Variants in LEKR1 observed in about 807,000 individuals in gnomAD.
LEKR1 encodes the protein leucine, glutamate and lysine rich 1, also known as protein LEKR1.
A neutral mutation model predicts 72.4 loss-of-function variants in LEKR1; 59 were observed. The ratio of observed to expected loss-of-function variants is 0.82; its 90% CI spans 0.66 to 1.01. LEKR1 has a LOEUF of 1.01. Ranked by LOEUF, LEKR1 falls within the 50% of genes least tolerant of loss-of-function variation. The probability of loss-of-function intolerance (pLI) is 0.00; values close to 1 mark genes in which losing one functional copy is unlikely to be tolerated. For missense variants in LEKR1, 728 were observed against 759.2 expected (o/e 0.96, Z 0.48); for synonymous variants, 257 against 263.2 (o/e 0.98, Z 0.23).
At chr3:156,872,504 G>A (rs1319502166) in intron 3 of LEKR1, among the ~76,000 whole-genome samples, 1 of 151,624 alleles carries the variant, frequency 6.6e-6, no homozygotes, top group African/African-American at 2.4e-5. Flanking sequence ...GTTTGCTCTT[G>A]CTTTTCTAGT....
At chr3:156,916,991 C>A (rs1440995953) in intron 3 of LEKR1, among the ~76,000 whole-genome samples, 1 of 151,830 alleles carries the variant, frequency 6.6e-6, no homozygotes, top group Non-Finnish European at 1.5e-5. Context: ...GAAAGAGTCT[C>A]AAAGAGAAAC....
At position 156,829,724 on chromosome 3, in the gene LEKR1, C is replaced by T. The variant is rs568560880; in HGVS notation, c.48+347C>T. On this transcript the variant is annotated intron_variant, in intron 2 of 12. Transcript: ENST00000356539. ...GTTTGACCAACATTAATTCTCAGTA[C>T]TTACTGTGTGCCAAGCACTGTTTTA... is the stretch of plus-strand genomic sequence containing the variant. Among the ~76,000 whole-genome samples, 239 of 152,290 alleles carry T rather than the reference C, an allele frequency of 1.6e-3. 3 individuals carry two copies. The highest frequency in any genetic ancestry group is 5.6e-4 in the Non-Finnish European group (38 of 68,022).
intron 6 of LEKR1, among the ~76,000 whole-genome samples, chr3:156,970,696 A>G (rs1306371299): frequency 6.6e-6 from 1 of 152,154 alleles, no homozygotes; most frequent in Non-Finnish European, 1.5e-5. Context: ...TTATACACCA[A>G]TAACAGACAG....
intron 2 of LEKR1, among the ~76,000 whole-genome samples, chr3:156,834,954 A>G (rs1330306747): frequency 6.6e-6 from 1 of 152,248 alleles, no homozygotes; most frequent in Non-Finnish European, 1.5e-5. Flanking sequence ...ATTTTATTTT[A>G]GGGCTCATTC....
intron 9 of LEKR1, among the ~76,000 whole-genome samples, chr3:156,999,336 C>T (rs563983587): frequency 7.2e-5 from 11 of 152,184 alleles, no homozygotes; most frequent in Admixed American, 6.5e-4. Context: ...TATGGCAGGA[C>T]CTCATGATTA....
chr3:156,892,649 T>G (rs1036090176), intron 3 of LEKR1, among the ~76,000 whole-genome samples: 2 of 152,240 alleles, frequency 1.3e-5, no homozygotes, highest in Non-Finnish European at 2.9e-5. Flanking sequence ...CTCCTCTGCC[T>G]CACACTGACC....
chr3:156,998,715 A>C (rs1731775509), intron 9 of LEKR1, among the ~76,000 whole-genome samples: 1 of 152,162 alleles, frequency 6.6e-6, no homozygotes, highest in South Asian at 2.1e-4. Flanking sequence ...AATGCAGTTT[A>C]CTAAATTGTC....
chr3:157,041,042 A>G (rs1735304853), intron 12 of LEKR1, among the ~76,000 whole-genome samples: 1 of 152,216 alleles, frequency 6.6e-6, no homozygotes, highest in African/African-American at 2.4e-5. Context: ...CCACTTTTTA[A>G]TATTAGAAAT....
chr3:156,918,566 T>C (rs1560079055), intron 3 of LEKR1, among the ~76,000 whole-genome samples: 1 of 152,118 alleles, frequency 6.6e-6, no homozygotes, highest in African/African-American at 2.4e-5. Flanking sequence ...CTATATGATA[T>C]TAGCACTGAA....
intron 2 of LEKR1, among the ~76,000 whole-genome samples, chr3:156,833,357 C>T (rs1038305273): frequency 6.6e-6 from 1 of 152,098 alleles, no homozygotes; most frequent in African/African-American, 2.4e-5. Flanking sequence ...TATAAAATCA[C>T]CTTTTGAAAA....
At chr3:156,827,129 A>C (rs986565065) in intron 1 of LEKR1, 1 of 152,292 alleles carries the variant, frequency 6.6e-6, no homozygotes, top group Non-Finnish European at 1.5e-5. Context: ...AATTTAAAAA[A>C]TTACAGATTT....
chr3:156,967,410 C>A (rs1207947242), intron 6 of LEKR1, among the ~76,000 whole-genome samples: 2 of 151,988 alleles, frequency 1.3e-5, no homozygotes, highest in African/African-American at 4.8e-5. Context: ...CTAGAATAAC[C>A]AGTGCAGAGA....
intron 3 of LEKR1, among the ~76,000 whole-genome samples, chr3:156,900,103 T>A (rs1242710450): frequency 6.6e-6 from 1 of 152,036 alleles, no homozygotes; most frequent in Admixed American, 6.6e-5. Flanking sequence ...TAAAACAGAC[T>A]GGTGGGGGGA....
chr3:156,828,762 CT>C (rs2108526643), intron 1 of LEKR1, among the ~76,000 whole-genome samples: 1 of 151,648 alleles, frequency 6.6e-6, no homozygotes, highest in South Asian at 2.1e-4. Flanking sequence ...CACTTGGCTT[CT>C]TATTTTTTGA....
At chr3:156,996,962 G>A (rs1731627629) in intron 9 of LEKR1, among the ~76,000 whole-genome samples, 1 of 152,000 alleles carries the variant, frequency 6.6e-6, no homozygotes, top group Non-Finnish European at 1.5e-5. Context: ...CTACTTGGGA[G>A]GCTGAGGCAG....
intron 7 of LEKR1, among the ~76,000 whole-genome samples, chr3:156,986,543 A>G (rs1173553735): frequency 6.6e-6 from 1 of 152,222 alleles, no homozygotes; most frequent in Non-Finnish European, 1.5e-5. Context: ...CTGGAAGTGA[A>G]ACGAAAGAAT....
intron 3 of LEKR1, among the ~76,000 whole-genome samples, chr3:156,917,074 G>A (rs1005378799): frequency 1.3e-5 from 2 of 152,090 alleles, no homozygotes. Flanking sequence ...AATACAAATT[G>A]TATTCATGGG....
In LEKR1 at chr3:157,045,556, A is replaced by G; in HGVS notation, c.1885A>G (p.Lys629Glu). The change falls in exon 13 of 13, where the codon AAA (lysine) becomes GAA (glutamate). Residue 629 changes from lysine to glutamate, a missense_variant. Transcript: ENST00000356539. ...ERSLARLNSE[K>E]GIQIPNLRGV... ...AAGCCTTGCAAGACTGAACTCTGAA[A>G]AAGGAATCCAAATTCCCAACCTGCG... The G allele has an allele frequency of 1.9e-6, 3 of 1,614,170 alleles. No homozygotes were observed. Among genetic ancestry groups the G allele is most frequent in the South Asian group, 2.2e-5 (2 of 91,078 alleles).
chr3:157,002,091 T>C (rs959916690), intron 9 of LEKR1, among the ~76,000 whole-genome samples: 2 of 152,206 alleles, frequency 1.3e-5, no homozygotes, highest in African/African-American at 4.8e-5. Context: ...GGTAATCTTC[T>C]TTATTAGATT....
Sources: allele counts gnomAD v4.1 joint callset (sites outside exome capture counted in the v4.1 genomes callset), GRCh38; gene constraint gnomAD v4.1.1; transcripts MANE v1.5; gene names NCBI Gene and HGNC (gene_info 2026-07-23, HGNC 2026-07-21).